Variants in GSG1L observed in about 807,000 individuals in gnomAD.
The protein encoded by GSG1L is germ cell-specific gene 1-like protein.
Under a neutral mutation model 42.1 loss-of-function variants are expected in GSG1L, and 24 were observed. That is an observed-to-expected ratio of 0.57 (90% CI 0.41 to 0.80). The LOEUF (loss-of-function observed/expected upper bound fraction) is 0.80, where lower values mean the gene tolerates loss of function less well. GSG1L is among the 30% of genes least tolerant of loss of function. The pLI, the probability that GSG1L is intolerant of heterozygous loss-of-function variation, is 0.00. For missense variants in GSG1L, 445 were observed against 472.2 expected, an observed-to-expected ratio of 0.94 and a Z score of 0.53; for synonymous variants, 215 against 203.5, an observed-to-expected ratio of 1.06 and a Z score of -0.48.
chr16:28,008,060 C>T (rs1245006745), intron 1 of GSG1L, among the ~76,000 whole-genome samples: 1 of 152,004 alleles, frequency 6.6e-6, no homozygotes, highest in Non-Finnish European at 1.5e-5. Context: ...GTAAGTTCCC[C>T]CAAATAAACT....
chr16:27,959,524 GAGGGGAGGGAAGGGGAGGGAAGGGA>G, intron 2 of GSG1L, among the ~76,000 whole-genome samples: 1 of 141,942 alleles, frequency 7.0e-6, no homozygotes, highest in Non-Finnish European at 1.5e-5. Flanking sequence ...GAGGGAAGGG[GAGGGGAGGGAAGGGGAGGGAAGGGA>G]AGGGGAAAGA....
intron 3 of GSG1L, among the ~76,000 whole-genome samples, chr16:27,851,878 G>C (rs1363444436): frequency 6.6e-6 from 1 of 152,152 alleles, no homozygotes; most frequent in Admixed American, 6.5e-5. Flanking sequence ...AGGTTCCTGC[G>C]CCTCCCTCGA....
intron 2 of GSG1L, among the ~76,000 whole-genome samples, chr16:27,941,248 G>A (rs1199004683): frequency 6.6e-6 from 1 of 152,054 alleles, no homozygotes; most frequent in Non-Finnish European, 1.5e-5. Context: ...GCGAATCAGA[G>A]ATATCTGATA....
At chr16:27,847,682 G>T (rs548803400) in intron 3 of GSG1L, among the ~76,000 whole-genome samples, 2 of 152,352 alleles carry the variant, frequency 1.3e-5, no homozygotes, top group Middle Eastern at 3.4e-3. Context: ...GACGTGACTG[G>T]ATCATGGGGG....
At chr16:27,813,827 C>A (rs540885720) in intron 5 of GSG1L, among the ~76,000 whole-genome samples, 1 of 152,292 alleles carries the variant, frequency 6.6e-6, no homozygotes, top group East Asian at 1.9e-4. Flanking sequence ...GACCTTGGGC[C>A]CTGGAGTGAG....
At chr16:27,817,929 T>C (rs2083114673) in intron 5 of GSG1L, among the ~76,000 whole-genome samples, 1 of 151,028 alleles carries the variant, frequency 6.6e-6, no homozygotes, top group Non-Finnish European at 1.5e-5. Context: ...ACCCTATGAC[T>C]GGGGCTGCAC....
At chr16:27,938,893 C>G (rs1596628807) in intron 2 of GSG1L, among the ~76,000 whole-genome samples, 1 of 152,120 alleles carries the variant, frequency 6.6e-6, no homozygotes, top group Admixed American at 6.5e-5. Flanking sequence ...CCAAATGGAG[C>G]CAAGGTTCTG....
At chr16:27,841,207 G>GTGACTTGGCCAAC (rs2083377675) in intron 4 of GSG1L, among the ~76,000 whole-genome samples, 2 of 152,122 alleles carry the variant, frequency 1.3e-5, no homozygotes, top group Non-Finnish European at 2.9e-5. Context: ...ACTTGGCCAA[G>GTGACTTGGCCAAC]GTCCCCGGCT....
At chr16:27,867,127 A>G (rs1222878678) in intron 3 of GSG1L, among the ~76,000 whole-genome samples, 1 of 152,196 alleles carries the variant, frequency 6.6e-6, no homozygotes, top group Non-Finnish European at 1.5e-5. Context: ...TACTAGGGAT[A>G]CAGGGATCAC....
At chr16:27,832,140 T>C (rs1436620009) in intron 4 of GSG1L, among the ~76,000 whole-genome samples, 1 of 152,202 alleles carries the variant, frequency 6.6e-6, no homozygotes, top group Admixed American at 6.5e-5. Context: ...CTTTCATTTA[T>C]TTACTCTTGT....
chr16:27,908,979 G>A (rs1044597433), intron 2 of GSG1L, among the ~76,000 whole-genome samples: 5 of 152,114 alleles, frequency 3.3e-5, no homozygotes, highest in Admixed American at 6.5e-5. Context: ...AAACAGGCTG[G>A]AGTCAGAGAG....
rs74015185 is a variant in GSG1L at position 27,975,126 on chromosome 16, T to G, written c.350-11923A>C. 4.1e-3 allele frequency among the ~76,000 whole-genome samples: 621 copies of G among 152,290 alleles called. 7 individuals carry two copies. The highest frequency in any genetic ancestry group is 0.014 in the African/African-American group (582 of 41,550). On this transcript the variant is annotated intron_variant, in intron 1 of 6. Transcript: ENST00000447459. ...ACATGTTCCCAGAGGATGCTGATGC[T>G]GCCGGCCTGGGAACCACACTTTGAG...
intron 2 of GSG1L, among the ~76,000 whole-genome samples, chr16:27,888,400 CCTTCTTTCTTT>C (rs1257826386): frequency 7.7e-6 from 1 of 130,588 alleles, no homozygotes; most frequent in Non-Finnish European, 1.5e-5. Context: ...TTTCTTTTCT[CCTTCTTTCTTT>C]CTTTCTTTCT....
intron 3 of GSG1L, among the ~76,000 whole-genome samples, chr16:27,862,230 TTAATG>T (rs1441183580): frequency 9.9e-5 from 15 of 152,206 alleles, no homozygotes; most frequent in Admixed American, 2.0e-4. Flanking sequence ...TCTTGATGAC[TTAATG>T]AAGTAAGTAG....
chr16:27,997,308 A>ATT (rs2085526455), intron 1 of GSG1L, among the ~76,000 whole-genome samples: 2 of 63,624 alleles, frequency 3.1e-5, no homozygotes, highest in African/African-American at 4.7e-5. Flanking sequence ...AGTGTTCTCC[A>ATT]CTTTTTTTTT....
At chr16:27,870,901 T>C (rs1425914769) in intron 3 of GSG1L, among the ~76,000 whole-genome samples, 2 of 151,376 alleles carry the variant, frequency 1.3e-5, no homozygotes, top group Non-Finnish European at 2.9e-5. Context: ...CTCTTAGCCG[T>C]GCTCTCCAGC....
At position 27,795,178 on chromosome 16, in the gene GSG1L, C is replaced by CTTT. The variant is rs3047667; in HGVS notation, c.899-3714_899-3712dup. ...GCACAGAGCAAGTCCCAAACTGACT[C>CTTT]TTTTTTTTTTCTTTTTAAACAAATG... On this transcript the variant is annotated intron_variant, in intron 6 of 6. Transcript: ENST00000447459. Among the ~76,000 whole-genome samples, 65 of 149,954 alleles carry CTTT rather than the reference C, an allele frequency of 4.3e-4. No individual in the cohort carries two copies. The South Asian group carries it at 9.0e-3, about 21-fold the overall frequency.
intron 2 of GSG1L, among the ~76,000 whole-genome samples, chr16:27,903,489 G>A (rs963394231): frequency 3.3e-5 from 5 of 152,166 alleles, no homozygotes; most frequent in African/African-American, 9.7e-5. Flanking sequence ...TGCGGACCCC[G>A]GGTCACTTTC....
At chr16:27,971,591 G>T (rs2085193861) in intron 1 of GSG1L, among the ~76,000 whole-genome samples, 1 of 152,134 alleles carries the variant, frequency 6.6e-6, no homozygotes, top group South Asian at 2.1e-4. Context: ...TCTGCAAATA[G>T]AGATAGTTTT....
Sources: gnomAD v4.1 joint callset for allele counts (sites outside exome capture counted in the v4.1 genomes callset) on GRCh38, gnomAD v4.1.1 for gene constraint, MANE v1.5 for transcripts, NCBI Gene and HGNC (gene_info 2026-07-23, HGNC 2026-07-21) for gene names.